SP3: variants seen among roughly 807,000 people sequenced by gnomAD.
The protein encoded by SP3 is Sp3 transcription factor.
In SP3, 10 loss-of-function variants were observed where a neutral mutation model predicts 70.3. That is an observed-to-expected ratio of 0.14 (90% CI 0.09 to 0.24). The LOEUF is 0.24. SP3 is among the 10% of genes least tolerant of loss of function. SP3 has a pLI of 1.00. For synonymous variants in SP3, 402 were observed against 333.5 expected (o/e 1.21, Z -2.24); for missense variants, 825 against 914.6 (o/e 0.90, Z 1.26).
intron 4 of SP3, among the ~76,000 whole-genome samples, chr2:173,929,330 C>T (rs1221626802): frequency 2.0e-5 from 3 of 152,308 alleles, no homozygotes; most frequent in African/African-American, 7.2e-5. Flanking sequence ...TGAAAAAATA[C>T]ACCTGTCCCT....
chr2:173,939,034 C>A (rs1158659268), intron 4 of SP3, among the ~76,000 whole-genome samples: 1 of 152,044 alleles, frequency 6.6e-6, no homozygotes, highest in East Asian at 1.9e-4. Flanking sequence ...AGAGGACAGC[C>A]CCAAAACAAA....
intron 4 of SP3, among the ~76,000 whole-genome samples, chr2:173,946,377 C>T (rs1247967740): frequency 6.6e-6 from 1 of 151,754 alleles, no homozygotes; most frequent in African/African-American, 2.4e-5. Context: ...CTCCTGGCCT[C>T]AAGCAATTCT....
intron 3 of SP3, chr2:173,963,011 C>T (rs1194656699): frequency 2.0e-5 from 3 of 152,156 alleles, no homozygotes; most frequent in Non-Finnish European, 4.4e-5. Context: ...ATACTTTTGC[C>T]AACCAAATTC....
rs1383109831 is a variant in SP3, at chr2:173,905,569, T to C, written c.*4372A>G. The stretch of plus-strand genomic sequence containing the variant: ...AAAACTGTATCTTAAACGTATTTAA[T>C]ACAATGAAGTGGCATGAATCATGTT... On this transcript the variant is annotated 3_prime_UTR_variant, in exon 7 of 7. Coordinates refer to ENST00000310015, the MANE Select transcript of SP3 (RefSeq NM_003111.5). Among the ~76,000 whole-genome samples, 1 of 152,054 alleles carries C rather than the reference T, an allele frequency of 6.6e-6. No individual in the cohort carries two copies. The highest frequency in any genetic ancestry group is 1.5e-5 in the Non-Finnish European group (1 of 68,026).
Position 173,908,381 on chromosome 2 carries a change from A to G in SP3, c.*1560T>C, listed in dbSNP as rs1403400453. 6.6e-6 allele frequency: 1 copy of G among 152,480 alleles called. No individual in the cohort carries two copies. Among genetic ancestry groups the G allele is most frequent in the Non-Finnish European group, 1.5e-5 (1 of 67,932 alleles). 9.4% of individuals were successfully genotyped at this position (152,480 alleles called of 1,614,324 possible). On this transcript the variant is annotated 3_prime_UTR_variant, in exon 7 of 7. Coordinates refer to ENST00000310015, the MANE Select transcript of SP3 (RefSeq NM_003111.5). ...AAATTAGTAAATGACCAGTGTCTCT[A>G]TATATCTCTTCTTCAAATAAATGCC...
At chr2:173,953,775 A>AAAC (rs145439330) in intron 4 of SP3, among the ~76,000 whole-genome samples, 1,582 of 77,728 alleles carry the variant, frequency 0.02, 37 homozygotes, top group African/African-American at 0.06. Context: ...CTCAAAAAAC[A>AAAC]AAACAAAACA....
chr2:173,926,455 T>C (rs1177567886), intron 4 of SP3, among the ~76,000 whole-genome samples: 1 of 151,994 alleles, frequency 6.6e-6, no homozygotes, highest in Non-Finnish European at 1.5e-5. Context: ...AGGCAGGTGG[T>C]CCCCAGAAAA....
At chr2:173,962,427 T>C (rs559651636) in intron 3 of SP3, among the ~76,000 whole-genome samples, 1 of 152,308 alleles carries the variant, frequency 6.6e-6, no homozygotes, top group South Asian at 2.1e-4. Context: ...ATACAGTTCA[T>C]AAAAAAATCT....
At chr2:173,917,612 C>G (rs954884662) in intron 5 of SP3, among the ~76,000 whole-genome samples, 3 of 152,058 alleles carry the variant, frequency 2.0e-5, no homozygotes, top group Non-Finnish European at 4.4e-5. Flanking sequence ...TTTGTTAACT[C>G]TATTAAAAGT....
At chr2:173,942,352 G>C (rs1690397405) in intron 4 of SP3, among the ~76,000 whole-genome samples, 1 of 152,178 alleles carries the variant, frequency 6.6e-6, no homozygotes, top group Non-Finnish European at 1.5e-5. Context: ...GATCACTTGA[G>C]GTCAGAAGTT....
At chr2:173,959,519 A>G (rs1447203848) in intron 3 of SP3, among the ~76,000 whole-genome samples, 1 of 152,068 alleles carries the variant, frequency 6.6e-6, no homozygotes, top group Non-Finnish European at 1.5e-5. Context: ...TGAGGTCAGG[A>G]GTTTGAGACC....
chr2:173,965,385 A>G (rs1283074320), upstream of SP3: 2 of 581,788 alleles, frequency 3.4e-6, no homozygotes, highest in Non-Finnish European at 3.1e-6. Context: ...GCCCGCCCGG[A>G]ACTCCCGCCC....
chr2:173,920,222 C>T (rs1689714919), intron 4 of SP3, among the ~76,000 whole-genome samples: 1 of 151,534 alleles, frequency 6.6e-6, no homozygotes, highest in South Asian at 2.1e-4. Flanking sequence ...TTGGAAAAGG[C>T]AAAACTATGA....
At chr2:173,910,722 A>C (rs1689455277) in intron 6 of SP3, among the ~76,000 whole-genome samples, 1 of 152,214 alleles carries the variant, frequency 6.6e-6, no homozygotes, top group Non-Finnish European at 1.5e-5. Context: ...TCTAGATTAA[A>C]GAAATGACAC....
chr2:173,929,405 C>T (rs543356051), intron 4 of SP3, among the ~76,000 whole-genome samples: 5 of 152,186 alleles, frequency 3.3e-5, no homozygotes, highest in Non-Finnish European at 7.3e-5. Context: ...ACAGGATCTG[C>T]GCTGATGGGG....
intron 4 of SP3, among the ~76,000 whole-genome samples, chr2:173,949,896 C>G (rs192883138): frequency 2.0e-5 from 3 of 152,290 alleles, no homozygotes; most frequent in Admixed American, 1.3e-4. Context: ...AAAACAAAAT[C>G]TGACAGAGGA....
intron 4 of SP3, among the ~76,000 whole-genome samples, chr2:173,945,900 C>T (rs533821556): frequency 7.2e-5 from 11 of 152,118 alleles, no homozygotes; most frequent in Admixed American, 2.6e-4. Context: ...CTGATGTGGA[C>T]GGATCATTTG....
chr2:173,931,764 T>C (rs78427420), intron 4 of SP3, among the ~76,000 whole-genome samples: 5,626 of 152,320 alleles, frequency 0.037, 370 homozygotes, highest in African/African-American at 0.13. Context: ...TTTCTTTCCT[T>C]AAACCTCATG....
intron 4 of SP3, among the ~76,000 whole-genome samples, chr2:173,948,902 A>C (rs1395258613): frequency 6.6e-6 from 1 of 152,198 alleles, no homozygotes; most frequent in Non-Finnish European, 1.5e-5. Context: ...CATGATTCAC[A>C]AATGAACAGG....
Sources: allele counts gnomAD v4.1 joint callset (sites outside exome capture counted in the v4.1 genomes callset), GRCh38; gene constraint gnomAD v4.1.1; transcripts MANE v1.5; gene names NCBI Gene and HGNC (gene_info 2026-07-23, HGNC 2026-07-21).